TOMM20L: variants seen among roughly 807,000 people sequenced by gnomAD.
TOMM20L encodes TOMM20-like protein 1.
In TOMM20L, 19 loss-of-function variants were observed where a neutral mutation model predicts 20.4. That is an observed-to-expected ratio of 0.93 (90% confidence interval 0.65 to 1.36). The LOEUF is 1.36. Among genes scored for constraint, TOMM20L ranks in the 40% most tolerant of loss-of-function variants. The pLI is 0.00. For synonymous variants in TOMM20L, 75 were observed against 79.6 expected, an observed-to-expected ratio of 0.94 and a Z score of 0.30; for missense variants, 218 against 203.7, an observed-to-expected ratio of 1.07 and a Z score of -0.43.
In TOMM20L at chr14:58,396,112, G is replaced by A; in HGVS notation, c.136+19G>A. On this transcript the variant is annotated intron_variant, in intron 1 of 4. Transcript: ENST00000360945. ...CGGGACAGTGAGTGGGACCGAGGCG[G>A]AGGCGCGGCCGGGCCGGGCAGCGCG... 1.5e-6 allele frequency: 2 copies of A among 1,313,916 alleles called. No individual in the cohort carries two copies. Among genetic ancestry groups the A allele is most frequent in the Non-Finnish European group, 1.9e-6 (2 of 1,030,742 alleles). The allele number at this position is 1,313,916 out of a possible 1,614,324, so 81.4% of individuals were successfully genotyped here.
At chr14:58,397,276 A>ATGTG (rs141590875) in intron 2 of TOMM20L, among the ~76,000 whole-genome samples, 5 of 151,504 alleles carry the variant, frequency 3.3e-5, no homozygotes, top group African/African-American at 9.7e-5. Context: ...GTGTATATAT[A>ATGTG]TGTGTGTGTG....
At chr14:58,400,454 C>G (rs940505443) in intron 2 of TOMM20L, among the ~76,000 whole-genome samples, 1 of 150,014 alleles carries the variant, frequency 6.7e-6, no homozygotes, top group African/African-American at 2.4e-5. Flanking sequence ...AAAAAACAGT[C>G]TCAGCTTGGC....
downstream of TOMM20L, chr14:58,410,839 A>G (rs778234882): frequency 2.1e-5 from 33 of 1,600,364 alleles, no homozygotes; most frequent in Non-Finnish European, 2.6e-5. Context: ...AACACTTTTC[A>G]TACCTCTTCA....
chr14:58,396,263 C>T (rs773997290), intron 1 of TOMM20L, 35 bp from the exon 2 acceptor site: 11 of 1,611,714 alleles, frequency 6.8e-6, no homozygotes, highest in Non-Finnish European at 9.3e-6. Flanking sequence ...TCTGGACGGG[C>T]CTCCCAGCCA....
chr14:58,408,655 T>C lies in TOMM20L; in HGVS notation c.*73T>C, dbSNP rs1178231335. ...TACAGTATAAACAACTGCTCAGTGA[T>C]ATTTCCATTTATTTTACTTTGAGTA... On this transcript the variant is annotated 3_prime_UTR_variant, in exon 5 of 5. Coordinates refer to ENST00000360945, the MANE Select transcript of TOMM20L (RefSeq NM_207377.3). 20 of 1,384,024 alleles carry C rather than the reference T, an allele frequency of 1.4e-5. No homozygotes were observed. Among genetic ancestry groups the C allele is most frequent in the Non-Finnish European group, 1.9e-5 (19 of 1,008,136 alleles). The allele number at this position is 1,384,024 out of a possible 1,614,324, so 85.7% of individuals were successfully genotyped here.
rs939341947 is a variant in TOMM20L at position 58,396,048 on chromosome 14, C to T, written c.91C>T (p.Arg31Trp). 2 of 1,424,098 alleles carry T rather than the reference C, an allele frequency of 1.4e-6. No individual in the cohort carries two copies. The highest frequency in any genetic ancestry group is 1.8e-6 in the Non-Finnish European group (2 of 1,084,452). 88.2% of individuals were successfully genotyped at this position (1,424,098 alleles called of 1,614,324 possible). A position where few individuals can be genotyped will look rare whatever the true frequency, so the allele number is the denominator to read the frequency against. ...CCTGGGCTATTGTATTTACCTCAAC[C>T]GGAAGCGGCGCGGGGACCCCGCGTT... ...AFLGYCIYLN[R>W]KRRGDPAFKR... Residue 31 changes from arginine to tryptophan, a missense_variant, in exon 1 of 5, where the codon CGG becomes TGG. Coordinates refer to ENST00000360945, the MANE Select transcript of TOMM20L (RefSeq NM_207377.3).
chr14:58,407,659 T>C (rs1012015770), intron 4 of TOMM20L, among the ~76,000 whole-genome samples, 191 bp downstream of exon 4: 1 of 152,246 alleles, frequency 6.6e-6, no homozygotes, highest in African/African-American at 2.4e-5. Context: ...ATAAATTGTA[T>C]ATTTTCTTGT....
At chr14:58,396,896 C>A (rs1043375603) in intron 2 of TOMM20L, among the ~76,000 whole-genome samples, 2 of 152,184 alleles carry the variant, frequency 1.3e-5, no homozygotes, top group African/African-American at 4.8e-5. Context: ...GAGTTTGAGA[C>A]CAGCCTGGCC....
the TOMM20L span, among the ~76,000 whole-genome samples, chr14:58,414,736 C>A: frequency 3.1e-3 from 369 of 117,454 alleles, 1 homozygote; most frequent in South Asian, 4.4e-3. Context: ...GACGCCATCT[C>A]AAAAAAAAAA....
intron 3 of TOMM20L, among the ~76,000 whole-genome samples, chr14:58,403,762 C>T (rs1314585223): frequency 2.0e-5 from 3 of 151,656 alleles, no homozygotes; most frequent in African/African-American, 7.3e-5. Context: ...GGTGTGAACC[C>T]GGGAGGCGGA....
chr14:58,411,811 A>T, downstream of TOMM20L: 1 of 1,153,312 alleles, frequency 8.7e-7, no homozygotes, highest in South Asian at 1.3e-5. Flanking sequence ...TGCTGGGATT[A>T]CAGATGTGAG....
chr14:58,398,506 G>A (rs146631988), intron 2 of TOMM20L: 222 of 152,264 alleles, frequency 1.5e-3, no homozygotes, highest in African/African-American at 5.2e-3. Flanking sequence ...TTCTGTTGTG[G>A]TGGATAACTA....
At chr14:58,403,790 A>T (rs570574081) in intron 3 of TOMM20L, among the ~76,000 whole-genome samples, 1 of 152,086 alleles carries the variant, frequency 6.6e-6, no homozygotes, top group East Asian at 1.9e-4. Flanking sequence ...GTGAGCCGAG[A>T]TCGCACGACT....
downstream of TOMM20L, chr14:58,409,275 A>T (rs112722385): frequency 8.6e-5 from 109 of 1,270,480 alleles, 1 homozygote; most frequent in African/African-American, 1.1e-3. Flanking sequence ...CTTTGAATAT[A>T]TCTGAGAATT....
chr14:58,396,200 G>C, intron 1 of TOMM20L, 98 bp from the exon 2 acceptor site: 1 of 1,547,942 alleles, frequency 6.5e-7, no homozygotes, highest in East Asian at 2.5e-5. Context: ...CTCAGCCTCT[G>C]CCGAGGGGCC....
intron 3 of TOMM20L, among the ~76,000 whole-genome samples, chr14:58,403,585 TCCCAG>T (rs1231311029): frequency 6.6e-6 from 1 of 152,134 alleles, no homozygotes; most frequent in Non-Finnish European, 1.5e-5. Flanking sequence ...ACGCCTGTAA[TCCCAG>T]CACTTTGGGA....
the TOMM20L span, among the ~76,000 whole-genome samples, chr14:58,416,944 C>A: frequency 6.6e-6 from 1 of 152,138 alleles, no homozygotes; most frequent in South Asian, 2.1e-4. Flanking sequence ...TATGTCCCCA[C>A]CCAAATCTCA....
At chr14:58,416,183 A>G in the TOMM20L span, among the ~76,000 whole-genome samples, 31 of 152,214 alleles carry the variant, frequency 2.0e-4, 1 homozygote, top group Admixed American at 1.9e-3. Context: ...AGCCAAGATC[A>G]TGTCAGTGCA....
At chr14:58,413,956 G>A in the TOMM20L span, among the ~76,000 whole-genome samples, 12 of 118,574 alleles carry the variant, frequency 1.0e-4, no homozygotes, top group East Asian at 2.1e-3. Context: ...GCAGTGAGCC[G>A]AGATTGCACC....
Sources: allele counts gnomAD v4.1 joint callset (sites outside exome capture counted in the v4.1 genomes callset), GRCh38; gene constraint gnomAD v4.1.1; transcripts MANE v1.5; gene names NCBI Gene and HGNC (gene_info 2026-07-23, HGNC 2026-07-21).